Variants in CRLF1 observed in about 807,000 individuals in gnomAD.
CRLF1 encodes cytokine receptor like factor 1.
CRLF1 carries 36 observed loss-of-function variants against 48.9 expected under a neutral mutation model. That is an observed-to-expected ratio of 0.74 (90% CI 0.56 to 0.97). The LOEUF (loss-of-function observed/expected upper bound fraction) is 0.97, where lower values mean the gene tolerates loss of function less well. Among genes scored for constraint, CRLF1 ranks in the 50% least tolerant of loss-of-function variants. The pLI is 0.00. For missense variants in CRLF1, 534 were observed against 575.1 expected (o/e 0.93, Z 0.73); for synonymous variants, 256 against 253.4 (o/e 1.01, Z -0.10).
Position 18,598,515 on chromosome 19 carries a change from G to T in CRLF1, c.614C>A (p.Thr205Lys), listed in dbSNP as rs768835014. 6.2e-7 allele frequency: 1 copy of T among 1,614,142 alleles called. No individual in the cohort carries two copies. The highest frequency in any genetic ancestry group is 1.1e-5 in the South Asian group (1 of 91,088). ...CHIPKDLALF[T>K]PYEIWVEATN... ...GGCCTCCACCCAGATCTCATAGGGC[G>T]TAAAGAGAGCCAGGTCCTTGGGGAT... is the stretch of plus-strand genomic sequence containing the variant. Residue 205 changes from threonine (T) to lysine (K), a missense_variant, in exon 4 of 9, where the codon ACG (threonine) becomes AAG (lysine). Coordinates refer to ENST00000392386, the MANE Select transcript of CRLF1 (RefSeq NM_004750.5).
intron 1 of CRLF1, among the ~76,000 whole-genome samples, chr19:18,604,421 T>C (rs896703839): frequency 1.3e-5 from 2 of 152,222 alleles, no homozygotes; most frequent in Admixed American, 6.5e-5. Flanking sequence ...ACCTGGCCAA[T>C]TGACTTCCCC....
chr19:18,606,466 C>G lies in CRLF1; in HGVS notation c.115+76G>C. On this transcript the variant is annotated intron_variant, in intron 1 of 8. Transcript: ENST00000392386. This position sits in a 1 kb window ranked among gnomAD's most constrained non-coding sequence, Gnocchi z 4.8. ...GCCGTCCAGGTGGCGCCCGCGCCCCCTCCCCCCGCGGCTGCCCCCGGGGCG... is the reference window on the plus strand; with the variant it reads ...GCCGTCCAGGTGGCGCCCGCGCCCCGTCCCCCCGCGGCTGCCCCCGGGGCG... The G allele has an allele frequency of 9.5e-7, 1 of 1,056,082 alleles. No homozygotes were observed. Among genetic ancestry groups the G allele is most frequent in the South Asian group, 4.5e-5 (1 of 22,012 alleles). The allele number at this position is 1,056,082 out of a possible 1,614,324, so 65.4% of individuals were successfully genotyped here.
chr19:18,599,423 T>G, intron 2 of CRLF1, 142 bp downstream of exon 2: 1 of 1,253,098 alleles, frequency 8.0e-7, no homozygotes, highest in Non-Finnish European at 1.1e-6. Context: ...CAGGTTCTCA[T>G]TCCCACCTGA....
Position 18,598,417 on chromosome 19 carries a change from ACACTGGGGGCT to A in CRLF1, c.697+4_697+14del. 1 of 1,606,642 alleles carries A rather than the reference ACACTGGGGGCT, an allele frequency of 6.2e-7. No homozygotes were observed. Among genetic ancestry groups the A allele is most frequent in the Middle Eastern group, 1.7e-4 (1 of 6,032 alleles). On this transcript the variant is annotated splice_donor_5th_base_variant and intron_variant, in intron 4 of 8. Coordinates refer to ENST00000392386, the MANE Select transcript of CRLF1 (RefSeq NM_004750.5). ...TGGTGCCGAGGGAGGGGCCTAGCAG[ACACTGGGGGCT>A]CACCCACATCCAGGATATCCAGCGT...
rs1444811758 is a variant in CRLF1 at position 18,596,634 on chromosome 19, T to C, written c.1012A>G (p.Thr338Ala). 2 of 1,612,288 alleles carry C rather than the reference T, an allele frequency of 1.2e-6. No homozygotes were observed. Among genetic ancestry groups the C allele is most frequent in the Admixed American group, 1.7e-5 (1 of 59,850 alleles). Reference sequence around the variant, plus strand: ...GGAGGGTGCTCACCACTGCGGGGAGTGGAGGCGGCTGTGGGGTGGCTCCAC... The same window carrying C: ...GGAGGGTGCTCACCACTGCGGGGAGCGGAGGCGGCTGTGGGGTGGCTCCAC... ...SEWSHPTAAS[T>A]PRSERPGPGG... Residue 338 changes from threonine to alanine, a missense_variant, in exon 6 of 9, where the codon ACT (threonine) becomes GCT (alanine). Coordinates refer to ENST00000392386, the MANE Select transcript of CRLF1 (RefSeq NM_004750.5).
At chr19:18,593,960 T>G in intron 8 of CRLF1, 105 bp downstream of exon 8, 1 of 1,507,568 alleles carries the variant, frequency 6.6e-7, no homozygotes. Context: ...TCTCAGCGAC[T>G]CTAAGGCTGG....
In CRLF1 at chr19:18,606,659, G is replaced by A; in HGVS notation, c.-3C>T. The A allele has an allele frequency of 1.4e-6, 1 of 709,502 alleles. No individual in the cohort carries two copies. The highest frequency in any genetic ancestry group is 1.7e-6 in the Non-Finnish European group (1 of 581,226). The allele number at this position is 709,502 out of a possible 1,614,324, so 44.0% of individuals were successfully genotyped here. On this transcript the variant is annotated 5_prime_UTR_variant, in exon 1 of 9. Transcript: ENST00000392386. The surrounding 1 kb of genome is among the most constrained non-coding windows in gnomAD (Gnocchi z 4.8). ...GGGCCCCGGCGGCCGGCGGGCATGG[G>A]GCCGGCGCTGCCGGGGGCGCGCGGC...
intron 1 of CRLF1, among the ~76,000 whole-genome samples, chr19:18,604,922 A>G (rs1976269788): frequency 6.6e-6 from 1 of 152,072 alleles, no homozygotes; most frequent in Non-Finnish European, 1.5e-5. Context: ...AAAAGGGAAA[A>G]GTGTGAGATT....
intron 1 of CRLF1, 68 bp from the exon 2 acceptor site, chr19:18,599,914 C>A: frequency 7.0e-7 from 1 of 1,423,484 alleles, no homozygotes; most frequent in Middle Eastern, 2.1e-4. Context: ...CATGCCAGGA[C>A]CTCCAGGGTT....
chr19:18,594,035 C>G, intron 8 of CRLF1, 30 bp downstream of exon 8: 1 of 555,802 alleles, frequency 1.8e-6, no homozygotes, highest in Non-Finnish European at 3.3e-6. Context: ...CCCTTGCTCC[C>G]TCCCGCCCAC....
intron 1 of CRLF1, among the ~76,000 whole-genome samples, chr19:18,600,112 T>A (rs1250515920): frequency 2.0e-5 from 3 of 152,152 alleles, no homozygotes. Context: ...ATGCTTAAGG[T>A]TCTCTGAGGG....
intron 2 of CRLF1, among the ~76,000 whole-genome samples, 196 bp downstream of exon 2, chr19:18,599,369 G>A (rs1344380392): frequency 6.6e-6 from 1 of 152,182 alleles, no homozygotes; most frequent in Non-Finnish European, 1.5e-5. Flanking sequence ...GCCTCCCAAA[G>A]TGCTGGGCTT....
intron 8 of CRLF1, 60 bp from the exon 9 acceptor site, chr19:18,593,639 G>C: frequency 6.4e-7 from 1 of 1,565,336 alleles, no homozygotes; most frequent in Non-Finnish European, 8.7e-7. Flanking sequence ...GCACCACAGA[G>C]CCACTGAAGG....
chr19:18,596,922 G>A lies in CRLF1; in HGVS notation c.825C>T (p.Arg275=). The A allele has an allele frequency of 6.2e-7, 1 of 1,614,180 alleles. No individual in the cohort carries two copies. ...DFLFQAKYQI[R]YRVEDSVDWK... is the part of the protein sequence containing the mutation. ...AGTCCACACTGTCCTCCACTCGGTAGCGGATCTGGTATTTGGCTTGAAAGA... is the reference window on the plus strand; with the variant it reads ...AGTCCACACTGTCCTCCACTCGGTAACGGATCTGGTATTTGGCTTGAAAGA... The change falls in exon 5 of 9, where the codon CGC becomes CGT. Residue 275 remains arginine (R), a synonymous_variant. Coordinates refer to ENST00000392386, the MANE Select transcript of CRLF1 (RefSeq NM_004750.5).
chr19:18,601,605 T>C (rs892247788), intron 1 of CRLF1, among the ~76,000 whole-genome samples: 1 of 151,990 alleles, frequency 6.6e-6, no homozygotes, highest in Non-Finnish European at 1.5e-5. Context: ...AGAATCGCCA[T>C]GTTGGCCAGG....
intron 5 of CRLF1, 22 bp from the exon 6 acceptor site, chr19:18,596,812 A>C (rs753694843): frequency 5.6e-6 from 9 of 1,612,786 alleles, no homozygotes; most frequent in Middle Eastern, 3.3e-4. Context: ...GGACAAGGTC[A>C]GAGTAGAGGG....
chr19:18,599,487 C>T, intron 2 of CRLF1, 78 bp downstream of exon 2: 1 of 1,590,716 alleles, frequency 6.3e-7, no homozygotes, highest in Non-Finnish European at 8.6e-7. Flanking sequence ...GGCCAGAAGG[C>T]CCACAATTCA....
chr19:18,594,632 TG>T (rs921667008), intron 6 of CRLF1, among the ~76,000 whole-genome samples, 198 bp from the exon 7 acceptor site: 1 of 134,360 alleles, frequency 7.4e-6, no homozygotes, highest in Non-Finnish European at 1.6e-5. Context: ...CCTGGGGAGG[TG>T]GGGGGGAGGG....
In CRLF1 at chr19:18,597,880, C is replaced by T. The variant is rs553568331; in HGVS notation, c.697+552G>A. 1.5e-3 allele frequency among the ~76,000 whole-genome samples: 224 copies of T among 151,680 alleles called. 2 individuals carry two copies. Among genetic ancestry groups the T allele is most frequent in the African/African-American group, 5.3e-3 (217 of 41,314 alleles). ...GCAGGGATGGGGGCTACAACCCAGG[C>T]GTATGTGTGTGTTGGGGGGTTCTGA... On this transcript the variant is annotated intron_variant, in intron 4 of 8. Coordinates refer to ENST00000392386, the MANE Select transcript of CRLF1 (RefSeq NM_004750.5).
Sources: allele counts gnomAD v4.1 joint callset (sites outside exome capture counted in the v4.1 genomes callset), GRCh38; gene constraint gnomAD v4.1.1; non-coding constraint Gnocchi (gnomAD v3.1); transcripts MANE v1.5; gene names NCBI Gene and HGNC (gene_info 2026-07-23, HGNC 2026-07-21).